The following SETD3 variants were observed in gnomAD, a reference collection of about 807,000 sequenced individuals.
SETD3 encodes actin-histidine N-methyltransferase.
Under a neutral mutation model 63.0 loss-of-function variants are expected in SETD3, and 19 were observed. The ratio of observed to expected loss-of-function variants is 0.30; its 90% confidence interval spans 0.21 to 0.44. SETD3 has a LOEUF of 0.44. SETD3 is among the 20% of genes least tolerant of loss of function. SETD3 has a pLI of 1.00. For synonymous variants in SETD3, 286 were observed against 264.1 expected (o/e 1.08, Z -0.80); for missense variants, 587 against 728.5 (o/e 0.81, Z 2.24).
At chr14:99,423,658 A>G (rs1383051774) in intron 6 of SETD3, among the ~76,000 whole-genome samples, 1 of 146,602 alleles carries the variant, frequency 6.8e-6, no homozygotes, top group Non-Finnish European at 1.5e-5. Flanking sequence ...TTTCTCCATT[A>G]GCATTAAGAT....
Position 99,399,027 on chromosome 14 carries a change from T to C in SETD3, c.1437A>G (p.Val479=). Residue 479 remains valine, a synonymous_variant, in exon 13 of 13, where the codon GTA becomes GTG. Transcript: ENST00000331768. ...LGEKEILEKA[V]KSAAVNREYY... is the part of the protein sequence containing the mutation. ...ATTCCCGGTTGACAGCTGCACTCTT[T>C]ACTGCTTTTTCCAAAATCTCTTTCT... is the stretch of plus-strand genomic sequence containing the variant. 1 of 1,614,228 alleles carries C rather than the reference T, an allele frequency of 6.2e-7. No homozygotes were observed. Among genetic ancestry groups the C allele is most frequent in the South Asian group, 1.1e-5 (1 of 91,086 alleles).
chr14:99,409,398 C>T (rs745734751), intron 8 of SETD3, among the ~76,000 whole-genome samples: 1 of 152,126 alleles, frequency 6.6e-6, no homozygotes, highest in Admixed American at 6.5e-5. Context: ...CGGGTGGCAG[C>T]CGGAGTTTGT....
chr14:99,462,056 G>C (rs537253830), intron 3 of SETD3, among the ~76,000 whole-genome samples: 2 of 152,300 alleles, frequency 1.3e-5, no homozygotes, highest in South Asian at 2.1e-4. Context: ...GGGAATGGAA[G>C]GGGATGAAAA....
intron 3 of SETD3, among the ~76,000 whole-genome samples, chr14:99,462,506 C>T (rs1383944287): frequency 6.6e-6 from 1 of 152,186 alleles, no homozygotes; most frequent in African/African-American, 2.4e-5. Flanking sequence ...GAGGAATATT[C>T]AAAGACGGAA....
At chr14:99,404,402 G>A (rs1361677822) in intron 10 of SETD3, 92 bp from the exon 11 acceptor site, 13 of 1,127,040 alleles carry the variant, frequency 1.2e-5, no homozygotes, top group Admixed American at 1.8e-5. Context: ...ACGTGTGGTT[G>A]TCCTCAAGGA....
At chr14:99,440,226 C>T (rs1030140426) in intron 6 of SETD3, among the ~76,000 whole-genome samples, 5 of 152,132 alleles carry the variant, frequency 3.3e-5, no homozygotes, top group Non-Finnish European at 7.4e-5. Context: ...ATGCTATGTT[C>T]TCTATTACTA....
At chr14:99,461,422 G>C in intron 3 of SETD3, 82 bp from the exon 4 acceptor site, 1 of 1,397,266 alleles carries the variant, frequency 7.2e-7, no homozygotes, top group Non-Finnish European at 9.8e-7. Context: ...ATAAAAACAG[G>C]CCATAACTAA....
Position 99,412,935 on chromosome 14 carries a change from G to C in SETD3, c.849+16C>G. 1 of 1,544,898 alleles carries C rather than the reference G, an allele frequency of 6.5e-7. No homozygotes were observed. The highest frequency in any genetic ancestry group is 9.0e-7 in the Non-Finnish European group (1 of 1,116,948). ...GCCTCCCAGATTCAACACAACACAGGGGAAGAGGTCGTTACCAGGCCGTTG... is the reference window on the plus strand; with the variant it reads ...GCCTCCCAGATTCAACACAACACAGCGGAAGAGGTCGTTACCAGGCCGTTG... On this transcript the variant is annotated intron_variant, in intron 8 of 12. Coordinates refer to ENST00000331768, the MANE Select transcript of SETD3 (RefSeq NM_032233.3).
chr14:99,483,384 ACAAAAAAAAAAT>A (rs777133106), upstream of SETD3, among the ~76,000 whole-genome samples: 10 of 152,102 alleles, frequency 6.6e-5, no homozygotes, highest in Non-Finnish European at 1.5e-4. Context: ...CCTCACCACT[ACAAAAAAAAAAT>A]CAAAAAATTA....
rs746856196 is a variant in SETD3 at position 99,398,833 on chromosome 14, TTGC to T, written c.1628_1630del (p.Ser543del). 1.7e-4 allele frequency: 282 copies of T among 1,614,130 alleles called. No homozygotes were observed. Among genetic ancestry groups the T allele is most frequent in the Non-Finnish European group, 2.3e-4 (272 of 1,180,050 alleles). ...AAGCCCGTTTTCTGTGGCCTTTGCT[TTGC>T]TGATTGCCTCTCTGATGTTCAAGGC... On this transcript the variant is annotated inframe_deletion, in exon 13 of 13. Coordinates refer to ENST00000331768, the MANE Select transcript of SETD3 (RefSeq NM_032233.3).
At chr14:99,409,098 T>A (rs184790869) in intron 8 of SETD3, among the ~76,000 whole-genome samples, 1 of 152,136 alleles carries the variant, frequency 6.6e-6, no homozygotes, top group Non-Finnish European at 1.5e-5. Flanking sequence ...AGCCACCCGA[T>A]GTCAAGCAAG....
At chr14:99,430,151 A>G (rs1255200946) in intron 6 of SETD3, among the ~76,000 whole-genome samples, 1 of 152,186 alleles carries the variant, frequency 6.6e-6, no homozygotes, top group South Asian at 2.1e-4. Flanking sequence ...CAAGTTTAGC[A>G]CTGGCTCCCA....
intron 6 of SETD3, among the ~76,000 whole-genome samples, chr14:99,428,029 G>A (rs189521716): frequency 6.6e-6 from 1 of 152,324 alleles, no homozygotes; most frequent in East Asian, 1.9e-4. Flanking sequence ...TGAGCAGCTG[G>A]GGTTTGCAGA....
intron 6 of SETD3, among the ~76,000 whole-genome samples, chr14:99,439,590 TAG>T: frequency 6.8e-6 from 1 of 148,120 alleles, no homozygotes; most frequent in African/African-American, 2.5e-5. Flanking sequence ...TATATAAATA[TAG>T]AAAACATATC....
chr14:99,432,228 T>C (rs768465357), intron 6 of SETD3, among the ~76,000 whole-genome samples: 28 of 152,214 alleles, frequency 1.8e-4, no homozygotes, highest in Non-Finnish European at 3.5e-4. Context: ...ATCACGGCAC[T>C]GAGTGCAAAG....
chr14:99,439,673 CATATTTAT>C (rs1893683793), intron 6 of SETD3, among the ~76,000 whole-genome samples: 1 of 145,402 alleles, frequency 6.9e-6, no homozygotes, highest in Admixed American at 6.9e-5. Context: ...ATATATAATA[CATATTTAT>C]ATATTTATAT....
intron 6 of SETD3, among the ~76,000 whole-genome samples, chr14:99,434,932 T>C (rs934141245): frequency 1.3e-5 from 2 of 150,460 alleles, no homozygotes; most frequent in Non-Finnish European, 3.0e-5. Context: ...TCTCAATTTT[T>C]AAAAAATTAA....
At position 99,463,640 on chromosome 14, in the gene SETD3, C is replaced by A. The variant is rs1018929692; in HGVS notation, c.104-62G>T. Reference sequence around the variant, plus strand: ...TCTTTCAACTTAACCTACTAGTCTGCACAAGAAAGAGGATTTGGACTTTGT... The same window carrying A: ...TCTTTCAACTTAACCTACTAGTCTGAACAAGAAAGAGGATTTGGACTTTGT... On this transcript the variant is annotated intron_variant, in intron 2 of 12. Transcript: ENST00000331768. 5.2e-6 allele frequency: 7 copies of A among 1,338,008 alleles called. No homozygotes were observed. The East Asian group carries it at 1.4e-4, about 27-fold the overall frequency. 82.9% of individuals were successfully genotyped at this position (1,338,008 alleles called of 1,614,324 possible).
intron 9 of SETD3, among the ~76,000 whole-genome samples, chr14:99,405,673 G>A (rs1475086525): frequency 2.0e-5 from 3 of 152,056 alleles, no homozygotes; most frequent in Admixed American, 2.0e-4. Context: ...GGGGTCACCA[G>A]GCCTCTATTA....
Sources: allele counts gnomAD v4.1 joint callset (sites outside exome capture counted in the v4.1 genomes callset), GRCh38; gene constraint gnomAD v4.1.1; transcripts MANE v1.5; gene names NCBI Gene and HGNC (gene_info 2026-07-23, HGNC 2026-07-21).